Variants in NCOA2 observed in about 807,000 individuals in gnomAD.
NCOA2 encodes the protein class E basic helix-loop-helix protein 75.
Under a neutral mutation model 145.1 loss-of-function variants are expected in NCOA2, and 21 were observed. That is an observed-to-expected ratio of 0.14 (90% CI 0.10 to 0.21). The LOEUF (loss-of-function observed/expected upper bound fraction) is 0.21. Among genes scored for constraint, NCOA2 ranks in the 10% least tolerant of loss-of-function variants. NCOA2 has a pLI of 1.00. For missense variants in NCOA2, 1,472 were observed against 1,837.6 expected (o/e 0.80, Z 3.64); for synonymous variants, 619 against 637.5 (o/e 0.97, Z 0.44).
chr8:70,279,419 T>C (rs975760862), intron 2 of NCOA2, among the ~76,000 whole-genome samples: 2 of 152,224 alleles, frequency 1.3e-5, no homozygotes, highest in Admixed American at 6.5e-5. Flanking sequence ...GAGGAAATGC[T>C]ATGCTTATTA....
chr8:70,253,861 C>T (rs1374366235), intron 2 of NCOA2, among the ~76,000 whole-genome samples: 2 of 151,908 alleles, frequency 1.3e-5, no homozygotes, highest in African/African-American at 4.8e-5. Context: ...ATATATGATA[C>T]CAAAAGCATG....
At chr8:70,338,108 T>G (rs577928028) in intron 1 of NCOA2, among the ~76,000 whole-genome samples, 1 of 148,444 alleles carries the variant, frequency 6.7e-6, no homozygotes, top group South Asian at 2.2e-4. Flanking sequence ...TTGAAGGAGA[T>G]AGAGACACAA....
At position 70,113,094 on chromosome 8, in the gene NCOA2, G is replaced by A. The variant is rs898859904; in HGVS notation, c.*538C>T. The A allele has an allele frequency of 2.0e-5, 4 of 199,918 alleles. No individual in the cohort carries two copies. Among genetic ancestry groups the A allele is most frequent in the East Asian group, 7.8e-5 (1 of 12,808 alleles). The allele number at this position is 199,918 out of a possible 1,614,324, so 12.4% of individuals were successfully genotyped here. A position where few individuals can be genotyped will look rare whatever the true frequency, so the allele number is the denominator to read the frequency against. ...CACTGGGTGTGTCTGTAAATACAGC[G>A]CTGTCCACGGTGTCTGTCCTGCTTC... On this transcript the variant is annotated 3_prime_UTR_variant, in exon 23 of 23. Coordinates refer to ENST00000452400, the MANE Select transcript of NCOA2 (RefSeq NM_006540.4).
chr8:70,400,700 T>C lies in NCOA2; in HGVS notation c.-77+3000A>G, dbSNP rs190676774. 2.4e-3 allele frequency among the ~76,000 whole-genome samples: 366 copies of C among 152,292 alleles called. 1 individual carries two copies. The highest frequency in any genetic ancestry group is 6.8e-3 in the Middle Eastern group (2 of 294). ...AAACATCTCAAGAGCCACAGCAAAA[T>C]GCAATTAATTCTTGTCTACATGCAC... On this transcript the variant is annotated intron_variant, in intron 1 of 22. Coordinates refer to ENST00000452400, the MANE Select transcript of NCOA2 (RefSeq NM_006540.4).
chr8:70,359,380 T>C (rs1178992160), intron 1 of NCOA2, among the ~76,000 whole-genome samples: 1 of 152,222 alleles, frequency 6.6e-6, no homozygotes, highest in Non-Finnish European at 1.5e-5. Flanking sequence ...AATGGAATAT[T>C]ATTCAGACAT....
intron 1 of NCOA2, among the ~76,000 whole-genome samples, chr8:70,319,082 G>A (rs968992934): frequency 6.6e-6 from 1 of 152,124 alleles, no homozygotes; most frequent in Non-Finnish European, 1.5e-5. Flanking sequence ...GCCTTTCCAA[G>A]TACAAATTTA....
chr8:70,124,742 T>C lies in NCOA2; in HGVS notation c.4040A>G (p.Tyr1347Cys), dbSNP rs1187180693. ...MMQQSQANPA[Y>C]QAPSDINGWA... The stretch of plus-strand genomic sequence containing the variant: ...TCCATTTATGTCGGAGGGGGCCTGA[T>C]AGGCTGGGTTGGCCTGAGACTGTTG... The change falls in exon 20 of 23, where the codon TAT (tyrosine) becomes TGT (cysteine). Residue 1347 changes from tyrosine (Y) to cysteine (C), a missense_variant. This residue lies in a region of NCOA2 where 232 missense variants were observed against 290.6 expected (regional missense o/e 0.80). Coordinates refer to ENST00000452400, the MANE Select transcript of NCOA2 (RefSeq NM_006540.4). The C allele has an allele frequency of 1.9e-6, 3 of 1,613,454 alleles. No individual in the cohort carries two copies. The highest frequency in any genetic ancestry group is 2.5e-6 in the Non-Finnish European group (3 of 1,179,736).
rs529937923 is a variant in NCOA2 at position 70,381,164 on chromosome 8, C to T, written c.-77+22536G>A. ...AGTAATAGATAAAGGTATAGATGACCGGTTCATGGGCGTTCATTACATTAT... is the reference window on the plus strand; with the variant it reads ...AGTAATAGATAAAGGTATAGATGACTGGTTCATGGGCGTTCATTACATTAT... On this transcript the variant is annotated intron_variant, in intron 1 of 22. Transcript: ENST00000452400. Among the ~76,000 whole-genome samples the T allele has an allele frequency of 4.0e-5, 6 of 151,840 alleles. No individual in the cohort carries two copies. The South Asian group carries it at 8.4e-4, about 21-fold the overall frequency.
At chr8:70,254,261 C>A (rs1379826754) in intron 2 of NCOA2, among the ~76,000 whole-genome samples, 2 of 152,072 alleles carry the variant, frequency 1.3e-5, no homozygotes, top group Non-Finnish European at 2.9e-5. Flanking sequence ...GGTGAGGATG[C>A]AGAAAAACTA....
the NCOA2 span, among the ~76,000 whole-genome samples, chr8:70,453,109 C>T: frequency 5.3e-5 from 8 of 152,172 alleles, no homozygotes; most frequent in African/African-American, 1.7e-4. Context: ...TAAGTAGAAC[C>T]TTCAGATAGA....
chr8:70,215,370 A>C (rs1321605269), intron 3 of NCOA2, among the ~76,000 whole-genome samples: 2 of 152,200 alleles, frequency 1.3e-5, no homozygotes, highest in Non-Finnish European at 2.9e-5. Context: ...CAGCTGAAAC[A>C]GTTCCCACTT....
chr8:70,251,293 A>C (rs1351087352), intron 2 of NCOA2, among the ~76,000 whole-genome samples: 1 of 152,230 alleles, frequency 6.6e-6, no homozygotes, highest in Non-Finnish European at 1.5e-5. Flanking sequence ...ATACTACTGC[A>C]GTAGATTATA....
At chr8:70,311,989 C>T (rs756277836) in intron 1 of NCOA2, among the ~76,000 whole-genome samples, 2 of 152,166 alleles carry the variant, frequency 1.3e-5, no homozygotes, top group African/African-American at 4.8e-5. Context: ...ATCTTTACAA[C>T]AACTCTGTGA....
intron 1 of NCOA2, among the ~76,000 whole-genome samples, chr8:70,353,684 T>TA (rs1563796654): frequency 6.6e-6 from 1 of 152,034 alleles, no homozygotes; most frequent in African/African-American, 2.4e-5. Flanking sequence ...ACATTGTCCA[T>TA]ACCTTCCAAA....
At chr8:70,322,394 C>A (rs904442896) in intron 1 of NCOA2, among the ~76,000 whole-genome samples, 5 of 152,112 alleles carry the variant, frequency 3.3e-5, no homozygotes, top group African/African-American at 4.8e-5. Flanking sequence ...ATATTCACTA[C>A]AGAAAACTGT....
intron 9 of NCOA2, among the ~76,000 whole-genome samples, chr8:70,161,026 T>C (rs1812939600): frequency 6.6e-6 from 1 of 152,218 alleles, no homozygotes; most frequent in African/African-American, 2.4e-5. Flanking sequence ...TTGGTCTACA[T>C]CCAACACCTC....
At chr8:70,115,487 C>G (rs1806991606) in intron 22 of NCOA2, among the ~76,000 whole-genome samples, 1 of 152,150 alleles carries the variant, frequency 6.6e-6, no homozygotes, top group Non-Finnish European at 1.5e-5. Context: ...GTACCTAATA[C>G]TTCTAGGATG....
At chr8:70,380,994 G>C (rs1353071418) in intron 1 of NCOA2, among the ~76,000 whole-genome samples, 1 of 151,416 alleles carries the variant, frequency 6.6e-6, no homozygotes. Context: ...GATCACCTGA[G>C]TCCAGGAGGT....
At chr8:70,226,741 G>C (rs1413510218) in intron 2 of NCOA2, among the ~76,000 whole-genome samples, 2 of 150,868 alleles carry the variant, frequency 1.3e-5, no homozygotes, top group Admixed American at 6.6e-5. Flanking sequence ...GTATAATATA[G>C]ACAGATACTT....
Sources: gnomAD v4.1 joint callset for allele counts (sites outside exome capture counted in the v4.1 genomes callset) on GRCh38, gnomAD v4.1.1 for gene constraint, gnomAD v4.1.1 regional missense constraint, MANE v1.5 for transcripts, NCBI Gene and HGNC (gene_info 2026-07-23, HGNC 2026-07-21) for gene names.